Variants in ANO6 observed in about 807,000 individuals in gnomAD.
ANO6 encodes anoctamin-6.
ANO6 carries 106 observed loss-of-function variants against 117.5 expected under a neutral mutation model. The observed-to-expected ratio is 0.90, with a 90% CI of 0.77 to 1.06. The LOEUF (loss-of-function observed/expected upper bound fraction) is 1.06, where lower values mean the gene tolerates loss of function less well. ANO6 is among the 50% of genes least tolerant of loss of function. The pLI, the probability that ANO6 is intolerant of heterozygous loss-of-function variation, is 0.00. For missense variants in ANO6, 955 were observed against 1,121.1 expected (o/e 0.85, Z 2.12); for synonymous variants, 367 against 385.1 (o/e 0.95, Z 0.55).
At chr12:45,227,982 G>A (rs1266572172) in intron 1 of ANO6, among the ~76,000 whole-genome samples, 2 of 152,130 alleles carry the variant, frequency 1.3e-5, no homozygotes, top group African/African-American at 4.8e-5. Context: ...ATTTTAGGGG[G>A]AATCTCTTTC....
In ANO6 at chr12:45,430,603, T is replaced by C; in HGVS notation, c.*1292T>C. 1.0e-6 allele frequency: 1 copy of C among 985,396 alleles called. No homozygotes were observed. The highest frequency in any genetic ancestry group is 1.2e-6 in the Non-Finnish European group (1 of 829,912). The allele number at this position is 985,396 out of a possible 1,614,324, so 61.0% of individuals were successfully genotyped here. On this transcript the variant is annotated 3_prime_UTR_variant, in exon 20 of 20. Coordinates refer to ENST00000320560, the MANE Select transcript of ANO6 (RefSeq NM_001025356.3). ...GTAAAGAGACTCAGATTAGATTTGATTTTTTAGCCTCCTCTAGAGCCAATC... is the reference window on the plus strand; with the variant it reads ...GTAAAGAGACTCAGATTAGATTTGACTTTTTAGCCTCCTCTAGAGCCAATC...
chr12:45,248,111 A>G (rs1171979228), intron 1 of ANO6, among the ~76,000 whole-genome samples: 1 of 152,250 alleles, frequency 6.6e-6, no homozygotes, highest in East Asian at 1.9e-4. Context: ...TAATGGAAGG[A>G]AAAAGTTTCA....
intron 9 of ANO6, among the ~76,000 whole-genome samples, chr12:45,373,100 C>G (rs1367718098): frequency 6.6e-6 from 1 of 151,820 alleles, no homozygotes; most frequent in Non-Finnish European, 1.5e-5. Context: ...CAACAAAGAT[C>G]AAAAGAGACA....
rs1322487836 is a variant in ANO6, at chr12:45,431,078, C to T, written c.*1767C>T. On this transcript the variant is annotated 3_prime_UTR_variant, in exon 20 of 20. Transcript: ENST00000320560. ...AGTAATTATGTAGGATCCATCAAAG[C>T]AGTATTGTAGGCTTTTGAATTGTCC... 3.0e-6 allele frequency: 3 copies of T among 985,284 alleles called. No individual in the cohort carries two copies. Among genetic ancestry groups the T allele is most frequent in the Non-Finnish European group, 2.4e-6 (2 of 829,952 alleles). The allele number at this position is 985,284 out of a possible 1,614,324, so 61.0% of individuals were successfully genotyped here. A position where few individuals can be genotyped will look rare whatever the true frequency, so the allele number is the denominator to read the frequency against.
intron 1 of ANO6, among the ~76,000 whole-genome samples, chr12:45,248,557 C>G (rs1056583295): frequency 2.6e-5 from 4 of 151,282 alleles, no homozygotes; most frequent in Non-Finnish European, 4.4e-5. Context: ...CCTCAGCCTC[C>G]TGAGTAGCTA....
chr12:45,292,993 G>C, intron 1 of ANO6: 2 of 1,543,290 alleles, frequency 1.3e-6, no homozygotes, highest in Non-Finnish European at 1.7e-6. Context: ...GCAGAGTGCC[G>C]GGGAGGCTCC....
At chr12:45,322,109 C>A (rs1359507480) in intron 2 of ANO6, among the ~76,000 whole-genome samples, 1 of 152,026 alleles carries the variant, frequency 6.6e-6, no homozygotes, top group African/African-American at 2.4e-5. Flanking sequence ...CAAATAACAT[C>A]TAGTATTATT....
intron 1 of ANO6, among the ~76,000 whole-genome samples, chr12:45,262,382 T>G (rs1457450875): frequency 6.6e-6 from 1 of 152,212 alleles, no homozygotes; most frequent in African/African-American, 2.4e-5. Context: ...TTAAGTATAT[T>G]CAGTGTTGTG....
chr12:45,258,556 A>G (rs1164678723), intron 1 of ANO6, among the ~76,000 whole-genome samples: 1 of 151,828 alleles, frequency 6.6e-6, no homozygotes, highest in East Asian at 1.9e-4. Flanking sequence ...CTCACCTCTT[A>G]CATGTGCCTT....
intron 1 of ANO6, among the ~76,000 whole-genome samples, chr12:45,272,579 G>T (rs541904490): frequency 6.6e-6 from 1 of 152,130 alleles, no homozygotes; most frequent in Admixed American, 6.6e-5. Context: ...AACTATGAGC[G>T]TTTACCATGC....
At chr12:45,345,310 T>C (rs1219002591) in intron 3 of ANO6, among the ~76,000 whole-genome samples, 2 of 152,246 alleles carry the variant, frequency 1.3e-5, no homozygotes, top group African/African-American at 4.8e-5. Flanking sequence ...TGACCTTTGG[T>C]CTTTTTCCTG....
chr12:45,260,437 A>G (rs529024516), intron 1 of ANO6, among the ~76,000 whole-genome samples: 1 of 152,234 alleles, frequency 6.6e-6, no homozygotes, highest in Admixed American at 6.5e-5. Context: ...CTTGCTAAAC[A>G]ATGTTGGCAA....
In ANO6 at chr12:45,421,110, C is replaced by T; in HGVS notation, c.2257C>T (p.Leu753=). The change falls in exon 18 of 20, where the codon CTA becomes TTA. Residue 753 remains leucine (L), a synonymous_variant. Transcript: ENST00000320560. ...IAFTSDMIPR[L]VYYWSFSVPP... ...TTTCACGTCGGACATGATCCCCCGCCTAGTGTACTACTGGTCCTTCTCCGT... is the reference window on the plus strand; with the variant it reads ...TTTCACGTCGGACATGATCCCCCGCTTAGTGTACTACTGGTCCTTCTCCGT... 1 of 1,614,242 alleles carries T rather than the reference C, an allele frequency of 6.2e-7. No homozygotes were observed. The highest frequency in any genetic ancestry group is 8.5e-7 in the Non-Finnish European group (1 of 1,180,038).
chr12:45,326,333 TA>T (rs1289673175), intron 2 of ANO6, among the ~76,000 whole-genome samples: 1 of 152,226 alleles, frequency 6.6e-6, no homozygotes, highest in Non-Finnish European at 1.5e-5. Flanking sequence ...CATTTACTTA[TA>T]TAAAACACAA....
At chr12:45,372,145 A>G (rs1242940472) in intron 9 of ANO6, among the ~76,000 whole-genome samples, 3 of 152,200 alleles carry the variant, frequency 2.0e-5, no homozygotes, top group Admixed American at 1.3e-4. Context: ...ATGAAAGGAG[A>G]AGGGAAGTTT....
intron 2 of ANO6, among the ~76,000 whole-genome samples, chr12:45,316,409 CCA>C (rs1940026820): frequency 1.3e-5 from 2 of 152,048 alleles, no homozygotes; most frequent in East Asian, 3.9e-4. Flanking sequence ...GGGAATATCT[CCA>C]TGAAGAGGAA....
At chr12:45,274,986 C>A (rs1256697658) in intron 1 of ANO6, among the ~76,000 whole-genome samples, 1 of 151,660 alleles carries the variant, frequency 6.6e-6, no homozygotes, top group Non-Finnish European at 1.5e-5. Flanking sequence ...TTATCTCCAA[C>A]TGAAATTAGT....
chr12:45,390,738 G>GTTTGT (rs56950540), intron 12 of ANO6, among the ~76,000 whole-genome samples: 1 of 152,072 alleles, frequency 6.6e-6, no homozygotes, highest in South Asian at 2.1e-4. Context: ...CACCTCATCT[G>GTTTGT]TTAAATCAGT....
intron 12 of ANO6, among the ~76,000 whole-genome samples, chr12:45,400,219 T>G (rs1942747488): frequency 6.6e-6 from 1 of 152,234 alleles, no homozygotes; most frequent in African/African-American, 2.4e-5. Flanking sequence ...CAAATATACA[T>G]GTGCTAAGGT....
Sources: allele counts gnomAD v4.1 joint callset (sites outside exome capture counted in the v4.1 genomes callset), GRCh38; gene constraint gnomAD v4.1.1; transcripts MANE v1.5; gene names NCBI Gene and HGNC (gene_info 2026-07-23, HGNC 2026-07-21).